MAP3K7: variants seen among roughly 807,000 people sequenced by gnomAD.
MAP3K7 encodes mitogen-activated protein kinase kinase kinase 7, also known as TGF-beta activated kinase 1.
Under a neutral mutation model 84.8 loss-of-function variants are expected in MAP3K7, and 21 were observed. The ratio of observed to expected loss-of-function variants is 0.25; its 90% confidence interval spans 0.18 to 0.36. The LOEUF is 0.36. Ranked by LOEUF, MAP3K7 falls within the 10% of genes least tolerant of loss-of-function variation. The pLI, the probability that MAP3K7 is intolerant of heterozygous loss-of-function variation, is 1.00. For synonymous variants in MAP3K7, 241 were observed against 247.7 expected, an observed-to-expected ratio of 0.97 and a Z score of 0.25; for missense variants, 503 against 747.7, an observed-to-expected ratio of 0.67 and a Z score of 3.82.
intron 5 of MAP3K7, among the ~76,000 whole-genome samples, chr6:90,557,023 A>ATAATT (rs34895641): frequency 0.04 from 6,055 of 152,316 alleles, 149 homozygotes; most frequent in African/African-American, 0.066. Context: ...GTAACACTAT[A>ATAATT]TAAAGAAAAT....
rs745706611 is a variant in MAP3K7, at chr6:90,550,566, A to C, written c.868-17T>G. 6.7e-7 allele frequency: 1 copy of C among 1,489,866 alleles called. No homozygotes were observed. The highest frequency in any genetic ancestry group is 1.2e-5 in the South Asian group (1 of 85,782). 92.3% of individuals were successfully genotyped at this position (1,489,866 alleles called of 1,614,324 possible). A position where few individuals can be genotyped will look rare whatever the true frequency, so the allele number is the denominator to read the frequency against. ...TGGAAAGTACTATATATAAAAAAGT[A>C]AACCACAGCTTAAAATTTCCTTAAT... On this transcript the variant is annotated splice_polypyrimidine_tract_variant and intron_variant, in intron 8 of 16. Transcript: ENST00000369329.
intron 16 of MAP3K7, among the ~76,000 whole-genome samples, chr6:90,517,764 G>GA (rs1298260105): frequency 6.6e-6 from 1 of 151,156 alleles, no homozygotes; most frequent in Non-Finnish European, 1.5e-5. Flanking sequence ...CGCAAATTCA[G>GA]AAAAAAACAA....
In MAP3K7 at chr6:90,516,185, A is replaced by G; in HGVS notation, c.*316T>C. ...GTTTGCACATAGCAGCTAGTTTGAT[A>G]CCTCCTGTTCTGTTAGGCTAGCCTT... On this transcript the variant is annotated 3_prime_UTR_variant, in exon 17 of 17. Coordinates refer to ENST00000369329, the MANE Select transcript of MAP3K7 (RefSeq NM_145331.3). 1 of 324,696 alleles carries G rather than the reference A, an allele frequency of 3.1e-6. No homozygotes were observed. The allele number at this position is 324,696 out of a possible 1,614,324, so 20.1% of individuals were successfully genotyped here.
intron 1 of MAP3K7, among the ~76,000 whole-genome samples, chr6:90,573,232 A>G (rs1267298894): frequency 6.6e-6 from 1 of 152,162 alleles, no homozygotes; most frequent in Non-Finnish European, 1.5e-5. Flanking sequence ...CTAATTTGTA[A>G]CATATATAAA....
At chr6:90,550,676 T>G in intron 8 of MAP3K7, 127 bp from the exon 9 acceptor site, 1 of 579,386 alleles carries the variant, frequency 1.7e-6, no homozygotes. Flanking sequence ...TTTACAAAGA[T>G]TACAATAATG....
At chr6:90,556,472 C>T (rs1776342288) in intron 6 of MAP3K7, 28 bp downstream of exon 6, 16 of 1,601,700 alleles carry the variant, frequency 1.0e-5, no homozygotes, top group Non-Finnish European at 1.3e-5. Context: ...GGGAGATTAT[C>T]AAACATACCA....
intron 11 of MAP3K7, among the ~76,000 whole-genome samples, chr6:90,545,280 T>A (rs1171336167): frequency 6.6e-6 from 1 of 152,112 alleles, no homozygotes; most frequent in Non-Finnish European, 1.5e-5. Context: ...AGACAATTCA[T>A]GAAAAAATTT....
chr6:90,567,576 G>A (rs1243814554), intron 3 of MAP3K7, among the ~76,000 whole-genome samples: 1 of 152,196 alleles, frequency 6.6e-6, no homozygotes, highest in Non-Finnish European at 1.5e-5. Context: ...AGGTGCTGGA[G>A]AGGATGTGGA....
At chr6:90,560,237 A>G (rs1776465048) in intron 4 of MAP3K7, 23 bp from the exon 5 acceptor site, 10 of 1,613,532 alleles carry the variant, frequency 6.2e-6, no homozygotes, top group Admixed American at 3.3e-5. Flanking sequence ...GGCACAAACT[A>G]AAAAGAACTT....
At chr6:90,583,941 T>C (rs868627352) in intron 1 of MAP3K7, among the ~76,000 whole-genome samples, 1 of 152,212 alleles carries the variant, frequency 6.6e-6, no homozygotes, top group South Asian at 2.1e-4. Context: ...ATCTAAGATG[T>C]GCCAAACTAA....
At chr6:90,541,249 A>T (rs903001161) in intron 12 of MAP3K7, among the ~76,000 whole-genome samples, 8 of 152,074 alleles carry the variant, frequency 5.3e-5, no homozygotes, top group African/African-American at 1.9e-4. Context: ...AATAAAAAAC[A>T]TTTAAGAAAA....
intron 13 of MAP3K7, among the ~76,000 whole-genome samples, chr6:90,525,369 T>C (rs1435791294): frequency 1.3e-5 from 2 of 152,138 alleles, no homozygotes; most frequent in Non-Finnish European, 2.9e-5. Context: ...TAATTTTTTT[T>C]TGTAGAAATG....
chr6:90,562,394 C>T (rs157424), intron 3 of MAP3K7, among the ~76,000 whole-genome samples: 10,357 of 152,258 alleles, frequency 0.068, 1,234 homozygotes, highest in African/African-American at 0.23. Context: ...GCTTTTCCAA[C>T]GGTCTTAGCA....
intron 1 of MAP3K7, among the ~76,000 whole-genome samples, chr6:90,575,516 C>T (rs1259621180): frequency 1.3e-5 from 2 of 152,142 alleles, no homozygotes; most frequent in Non-Finnish European, 2.9e-5. Flanking sequence ...GGCCCTAACC[C>T]GGGTTCCCTC....
intron 4 of MAP3K7, among the ~76,000 whole-genome samples, chr6:90,561,281 T>C (rs961377910): frequency 4.0e-5 from 6 of 151,860 alleles, no homozygotes; most frequent in Non-Finnish European, 8.8e-5. Context: ...CGAAATATGG[T>C]TAAAGAATTC....
In MAP3K7 at chr6:90,516,367, TG is replaced by T. The variant is rs1774961834; in HGVS notation, c.*133del. The T allele has an allele frequency of 1.2e-6, 1 of 822,292 alleles. No individual in the cohort carries two copies. The highest frequency in any genetic ancestry group is 2.0e-6 in the Non-Finnish European group (1 of 507,080). 50.9% of individuals were successfully genotyped at this position (822,292 alleles called of 1,614,324 possible). A position where few individuals can be genotyped will look rare whatever the true frequency, so the allele number is the denominator to read the frequency against. ...AAAGGAAAATAAACAATGAAAAAAATGCAGCAAATATAGGCAGTTGGCATTC... is the reference window on the plus strand; with the variant it reads ...AAAGGAAAATAAACAATGAAAAAAATCAGCAAATATAGGCAGTTGGCATTC... On this transcript the variant is annotated 3_prime_UTR_variant, in exon 17 of 17. Coordinates refer to ENST00000369329, the MANE Select transcript of MAP3K7 (RefSeq NM_145331.3).
intron 6 of MAP3K7, among the ~76,000 whole-genome samples, chr6:90,554,600 C>A (rs1582206492): frequency 1.3e-5 from 2 of 152,154 alleles, no homozygotes; most frequent in East Asian, 3.9e-4. Flanking sequence ...GGTTGACTGA[C>A]ATCTTTCAGA....
intron 14 of MAP3K7, 77 bp downstream of exon 14, chr6:90,523,601 T>G: frequency 1.1e-6 from 1 of 922,600 alleles, no homozygotes; most frequent in Non-Finnish European, 1.8e-6. Flanking sequence ...TTTGTAAACA[T>G]TAGAGTAATG....
At position 90,586,903 on chromosome 6, in the gene MAP3K7, T is replaced by C. The variant is rs771510033; in HGVS notation, c.-20A>G. ...AGACATGATCCCTCGCGGCGCCCGG[T>C]GGGGCCGGGAACGGTGCCACCCGGA... On this transcript the variant is annotated 5_prime_UTR_variant, in exon 1 of 17. Coordinates refer to ENST00000369329, the MANE Select transcript of MAP3K7 (RefSeq NM_145331.3). The C allele has an allele frequency of 6.3e-7, 1 of 1,599,118 alleles. No homozygotes were observed. The highest frequency in any genetic ancestry group is 8.5e-7 in the Non-Finnish European group (1 of 1,175,040).
Sources: allele counts gnomAD v4.1 joint callset (sites outside exome capture counted in the v4.1 genomes callset), GRCh38; gene constraint gnomAD v4.1.1; transcripts MANE v1.5; gene names NCBI Gene and HGNC (gene_info 2026-07-23, HGNC 2026-07-21).